The following ZCCHC14 variants were observed in gnomAD, a reference collection of about 807,000 sequenced individuals.
ZCCHC14 encodes the protein zinc finger CCHC-type containing 14, also known as zinc finger CCHC domain-containing protein 14.
In ZCCHC14, 16 loss-of-function variants were observed where a neutral mutation model predicts 85.0. That is an observed-to-expected ratio of 0.19 (90% CI 0.13 to 0.29). The LOEUF (loss-of-function observed/expected upper bound fraction) is 0.29. Ranked by LOEUF, ZCCHC14 falls within the 10% of genes least tolerant of loss-of-function variation. The pLI is 1.00. For missense variants in ZCCHC14, 1,303 were observed against 1,443.5 expected (o/e 0.90, Z 1.58); for synonymous variants, 775 against 630.7 (o/e 1.23, Z -3.43).
At chr16:87,485,008 G>C (rs2150778401) in intron 1 of ZCCHC14, among the ~76,000 whole-genome samples, 1 of 152,324 alleles carries the variant, frequency 6.6e-6, no homozygotes, top group South Asian at 2.1e-4. Context: ...GAGAAACTAA[G>C]GAGGTGTCCA....
Position 87,492,178 on chromosome 16 carries a change from G to C in ZCCHC14, c.61C>G (p.Pro21Ala). 8.5e-7 allele frequency: 1 copy of C among 1,179,538 alleles called. No individual in the cohort carries two copies. Among genetic ancestry groups the C allele is most frequent in the Non-Finnish European group, 1.0e-6 (1 of 952,788 alleles). 73.1% of individuals were successfully genotyped at this position (1,179,538 alleles called of 1,614,324 possible). Residue 21 changes from proline to alanine, a missense_variant, in exon 1 of 13, where the codon CCG becomes GCG. By Grantham distance (27) the Pro-to-Ala change is conservative. Coordinates refer to ENST00000671377, the MANE Select transcript of ZCCHC14 (RefSeq NM_015144.3). The surrounding 1 kb of genome is among the most constrained non-coding windows in gnomAD (Gnocchi z 6.7). ...AGGAACTCCACGCGCTGCGGCGACGGCAGCTCCGAGAACCAGCGGTACACG... is the reference window on the plus strand; with the variant it reads ...AGGAACTCCACGCGCTGCGGCGACGCCAGCTCCGAGAACCAGCGGTACACG... ...DGVYRWFSEL[P>A]SPQRVEFLCG...
rs1910909666 is a variant in ZCCHC14 at position 87,455,413 on chromosome 16, C to T, written c.694+4595G>A. Among the ~76,000 whole-genome samples, 4 of 152,122 alleles carry T rather than the reference C, an allele frequency of 2.6e-5. No individual in the cohort carries two copies. The South Asian group carries it at 8.3e-4, about 32-fold the overall frequency. On this transcript the variant is annotated intron_variant, in intron 2 of 12. Coordinates refer to ENST00000671377, the MANE Select transcript of ZCCHC14 (RefSeq NM_015144.3). ...GAGGCTTCTGTGTCACATGGAGTGG[C>T]TCAACATTAACTCAGAGTAGAGCCT...
chr16:87,410,740 G>A (rs892126815), intron 12 of ZCCHC14, among the ~76,000 whole-genome samples: 1 of 152,218 alleles, frequency 6.6e-6, no homozygotes, highest in African/African-American at 2.4e-5. Flanking sequence ...GCATGGCAGA[G>A]CGCCTGTCAA....
intron 1 of ZCCHC14, among the ~76,000 whole-genome samples, chr16:87,462,923 C>A (rs143843383): frequency 1.6e-4 from 24 of 151,946 alleles, no homozygotes; most frequent in African/African-American, 5.8e-4. Flanking sequence ...ACGAAATTAG[C>A]CAGGCATGGT....
intron 1 of ZCCHC14, among the ~76,000 whole-genome samples, chr16:87,476,671 G>A (rs1179157284): frequency 6.9e-6 from 1 of 143,896 alleles, no homozygotes; most frequent in Admixed American, 7.6e-5. Context: ...TTTTAGAAAT[G>A]GCAAAACTAA....
chr16:87,445,070 C>CTT (rs56137815), intron 2 of ZCCHC14, among the ~76,000 whole-genome samples: 10 of 140,532 alleles, frequency 7.1e-5, no homozygotes, highest in African/African-American at 2.6e-4. Flanking sequence ...TCAAAATAAA[C>CTT]TTTTTTTTTT....
intron 2 of ZCCHC14, among the ~76,000 whole-genome samples, chr16:87,434,800 G>A (rs929248729): frequency 2.0e-5 from 3 of 152,112 alleles, no homozygotes; most frequent in Non-Finnish European, 4.4e-5. Context: ...GAGCAGCCTG[G>A]CCAACATGGT....
intron 4 of ZCCHC14, among the ~76,000 whole-genome samples, chr16:87,422,199 G>T (rs7190306): frequency 0.075 from 11,381 of 152,212 alleles, 1,383 homozygotes; most frequent in African/African-American, 0.26. Flanking sequence ...CCTGGCAGCA[G>T]AAATGAGGAC....
chr16:87,482,564 G>C (rs1912329384), intron 1 of ZCCHC14, among the ~76,000 whole-genome samples: 1 of 152,100 alleles, frequency 6.6e-6, no homozygotes, highest in Admixed American at 6.6e-5. Flanking sequence ...CCTCTGTGTA[G>C]GAAACCCACA....
intron 1 of ZCCHC14, among the ~76,000 whole-genome samples, chr16:87,478,322 T>C (rs1912115310): frequency 6.6e-6 from 1 of 152,176 alleles, no homozygotes; most frequent in Non-Finnish European, 1.5e-5. Context: ...ATTCCATGAT[T>C]CTGCTTAAAT....
At chr16:87,452,831 G>C (rs1441544123) in intron 2 of ZCCHC14, among the ~76,000 whole-genome samples, 1 of 152,208 alleles carries the variant, frequency 6.6e-6, no homozygotes, top group Non-Finnish European at 1.5e-5. Context: ...CTGAGGCTGG[G>C]GTGAGTGGTG....
chr16:87,423,510 A>C (rs1000381870), intron 4 of ZCCHC14, among the ~76,000 whole-genome samples: 3 of 152,190 alleles, frequency 2.0e-5, no homozygotes, highest in African/African-American at 7.2e-5. Flanking sequence ...AACCTGGGGG[A>C]CTGAAAAGTA....
chr16:87,472,879 T>C (rs909548304), intron 1 of ZCCHC14: 1 of 152,168 alleles, frequency 6.6e-6, no homozygotes, highest in East Asian at 1.9e-4. Context: ...GCCCGGCTAA[T>C]TGTTTTTATT....
chr16:87,450,568 C>CAT (rs1249889845), intron 2 of ZCCHC14, among the ~76,000 whole-genome samples: 3 of 125,596 alleles, frequency 2.4e-5, no homozygotes, highest in Non-Finnish European at 3.4e-5. Flanking sequence ...ATAATAGATT[C>CAT]TTTTTTTTTT....
chr16:87,418,403 G>A (rs942314690), intron 7 of ZCCHC14, among the ~76,000 whole-genome samples: 17 of 152,258 alleles, frequency 1.1e-4, no homozygotes, highest in South Asian at 4.1e-4. Flanking sequence ...ACATCTCCAC[G>A]AGACTCCCTA....
At chr16:87,450,568 C>CTTTT (rs896071309) in intron 2 of ZCCHC14, among the ~76,000 whole-genome samples, 5 of 125,580 alleles carry the variant, frequency 4.0e-5, no homozygotes, top group African/African-American at 8.7e-5. Context: ...ATAATAGATT[C>CTTTT]TTTTTTTTTT....
intron 1 of ZCCHC14, among the ~76,000 whole-genome samples, chr16:87,468,758 T>C (rs1449350653): frequency 6.6e-6 from 1 of 152,212 alleles, no homozygotes; most frequent in Non-Finnish European, 1.5e-5. Context: ...TCTCGTGGCA[T>C]GCAGCCAACG....
chr16:87,428,082 C>G (rs886513048), intron 3 of ZCCHC14, among the ~76,000 whole-genome samples: 2 of 151,980 alleles, frequency 1.3e-5, no homozygotes, highest in Non-Finnish European at 2.9e-5. Flanking sequence ...TTGATTCCTG[C>G]ATATTGGTTT....
Position 87,447,695 on chromosome 16 carries a change from G to A in ZCCHC14, c.694+12313C>T, listed in dbSNP as rs191672813. 1.9e-3 allele frequency among the ~76,000 whole-genome samples: 289 copies of A among 152,296 alleles called. 3 individuals are homozygous for A. The highest frequency in any genetic ancestry group is 2.5e-3 in the Non-Finnish European group (170 of 68,020). On this transcript the variant is annotated intron_variant, in intron 2 of 12. Transcript: ENST00000671377. ...TCTCCAAGTGCTGTTGTGGATGTAC[G>A]CTTTCATTTCTTTGGGATAAATTCC...
Sources: gnomAD v4.1 joint callset for allele counts (sites outside exome capture counted in the v4.1 genomes callset) on GRCh38, gnomAD v4.1.1 for gene constraint, Gnocchi (gnomAD v3.1) non-coding constraint, MANE v1.5 for transcripts, NCBI Gene and HGNC (gene_info 2026-07-23, HGNC 2026-07-21) for gene names.